Variants in SLC25A21 observed in about 807,000 individuals in gnomAD.
SLC25A21 encodes the protein solute carrier family 25 member 21.
A neutral mutation model predicts 43.8 loss-of-function variants in SLC25A21; 47 were observed. The observed-to-expected ratio is 1.07, with a 90% CI of 0.85 to 1.37. SLC25A21 has a LOEUF of 1.37. Among genes scored for constraint, SLC25A21 ranks in the 40% most tolerant of loss-of-function variants. The pLI is 0.00. For synonymous variants in SLC25A21, 131 were observed against 121.3 expected (o/e 1.08, Z -0.52); for missense variants, 352 against 350.2 (o/e 1.00, Z -0.04).
At chr14:37,147,649 T>A (rs868135038) in intron 1 of SLC25A21, among the ~76,000 whole-genome samples, 12 of 146,876 alleles carry the variant, frequency 8.2e-5, no homozygotes, top group South Asian at 2.2e-4. Flanking sequence ...TTTTTTTTTT[T>A]AAAAAAAAGG....
At chr14:36,746,697 C>G (rs1261825477) in intron 3 of SLC25A21, among the ~76,000 whole-genome samples, 1 of 152,140 alleles carries the variant, frequency 6.6e-6, no homozygotes, top group African/African-American at 2.4e-5. Context: ...ACCAGCTCCC[C>G]TTTTCTTATC....
intron 6 of SLC25A21, among the ~76,000 whole-genome samples, chr14:36,720,123 T>C (rs1594521149): frequency 6.6e-6 from 1 of 152,302 alleles, no homozygotes; most frequent in African/African-American, 2.4e-5. Flanking sequence ...CCACACCTTC[T>C]TCTAGACCAT....
rs547381970 is a variant in SLC25A21 at position 37,172,402 on chromosome 14, G to T, written c.-52C>A. 6.5e-7 allele frequency: 1 copy of T among 1,529,436 alleles called. No individual in the cohort carries two copies. Among genetic ancestry groups the T allele is most frequent in the East Asian group, 2.4e-5 (1 of 41,472 alleles). The allele number at this position is 1,529,436 out of a possible 1,614,324, so 94.7% of individuals were successfully genotyped here. A position where few individuals can be genotyped will look rare whatever the true frequency, so the allele number is the denominator to read the frequency against. On this transcript the variant is annotated 5_prime_UTR_variant, in exon 1 of 10. Coordinates refer to ENST00000331299, the MANE Select transcript of SLC25A21 (RefSeq NM_030631.4). Reference sequence around the variant, plus strand: ...TGGGCTGAGATGCGTCAACGAGCTCGCAGCCTGCACAGCCTACTGATCCAG... The same window carrying T: ...TGGGCTGAGATGCGTCAACGAGCTCTCAGCCTGCACAGCCTACTGATCCAG...
chr14:36,960,115 A>G (rs1476848043), intron 1 of SLC25A21, among the ~76,000 whole-genome samples: 2 of 152,188 alleles, frequency 1.3e-5, no homozygotes, highest in Admixed American at 1.3e-4. Flanking sequence ...TTTAGTTTAG[A>G]AGGAAAAACT....
chr14:36,778,458 C>T (rs1279416217), intron 3 of SLC25A21, among the ~76,000 whole-genome samples: 1 of 152,132 alleles, frequency 6.6e-6, no homozygotes, highest in African/African-American at 2.4e-5. Flanking sequence ...TTAGTTCTTC[C>T]CACTTTCAGC....
In SLC25A21 at chr14:37,172,448, C is replaced by T. The variant is rs777351315; in HGVS notation, c.-98G>A. On this transcript the variant is annotated 5_prime_UTR_variant, in exon 1 of 10. Transcript: ENST00000331299. The stretch of plus-strand genomic sequence containing the variant: ...TCCAGAGAGCCCCGGCTGGGCTGGT[C>T]CTCAAGCGCGTTGGCTCCCTGTGGA... 3.1e-6 allele frequency: 4 copies of T among 1,299,306 alleles called. No homozygotes were observed. In the East Asian group the frequency reaches 1.0e-4, roughly 33 times the overall value. 80.5% of individuals were successfully genotyped at this position (1,299,306 alleles called of 1,614,324 possible).
At chr14:37,100,799 C>A (rs1345731581) in intron 1 of SLC25A21, among the ~76,000 whole-genome samples, 1 of 152,192 alleles carries the variant, frequency 6.6e-6, no homozygotes, top group Non-Finnish European at 1.5e-5. Context: ...ATTTACTTAA[C>A]CTCAGTTTCC....
At chr14:36,819,723 GA>G (rs1451004193) in intron 2 of SLC25A21, among the ~76,000 whole-genome samples, 2 of 152,018 alleles carry the variant, frequency 1.3e-5, no homozygotes, top group Non-Finnish European at 2.9e-5. Context: ...GGAGGCTTTA[GA>G]AATATATTTG....
Position 36,684,926 on chromosome 14 carries a change from C to G in SLC25A21, c.604-1G>C. The G allele has an allele frequency of 6.2e-7, 1 of 1,606,240 alleles. No homozygotes were observed. Among genetic ancestry groups the G allele is most frequent in the Non-Finnish European group, 8.5e-7 (1 of 1,177,612 alleles). On this transcript the variant is annotated splice_acceptor_variant, in intron 7 of 9. Coordinates refer to ENST00000331299, the MANE Select transcript of SLC25A21 (RefSeq NM_030631.4). LOFTEE classifies it high-confidence loss of function. ...TTCTCCAAAACTCCAAGATTGGATC[C>G]TAAAAGAAAAGAAGAATAATATAAC...
chr14:36,979,940 T>TA (rs1161727345), intron 1 of SLC25A21, among the ~76,000 whole-genome samples: 1 of 152,114 alleles, frequency 6.6e-6, no homozygotes, highest in African/African-American at 2.4e-5. Flanking sequence ...ACTGCCCATA[T>TA]AAAATCCTGA....
chr14:37,014,394 G>T (rs1412607896), intron 1 of SLC25A21, among the ~76,000 whole-genome samples: 1 of 152,028 alleles, frequency 6.6e-6, no homozygotes, highest in Non-Finnish European at 1.5e-5. Flanking sequence ...ATCTTTTCCA[G>T]GAGCAGATTC....
chr14:36,953,765 T>G (rs533700891), intron 1 of SLC25A21, among the ~76,000 whole-genome samples: 1 of 152,306 alleles, frequency 6.6e-6, no homozygotes, highest in African/African-American at 2.4e-5. Flanking sequence ...TCGGAAATTA[T>G]CATCACAATA....
At chr14:37,030,480 T>C (rs532626094) in intron 1 of SLC25A21, among the ~76,000 whole-genome samples, 1 of 152,318 alleles carries the variant, frequency 6.6e-6, no homozygotes, top group South Asian at 2.1e-4. Context: ...CACATCTTCA[T>C]GAGTTCCAGC....
chr14:36,979,320 A>G (rs1408802090), intron 1 of SLC25A21, among the ~76,000 whole-genome samples: 17 of 121,120 alleles, frequency 1.4e-4, no homozygotes, highest in African/African-American at 8.1e-4. Flanking sequence ...CAATTAAGGT[A>G]GTGTTTTTTT....
chr14:36,678,335 GCATTTATTTCTAA>G lies in SLC25A21; in HGVS notation c.*2310_*2322del, dbSNP rs1882006639. ...GATATCTTATAGAGAGCTTTGAACT[GCATTTATTTCTAA>G]AGCAACCGAAATTCAGTGCTACAAA... On this transcript the variant is annotated 3_prime_UTR_variant, in exon 10 of 10. Coordinates refer to ENST00000331299, the MANE Select transcript of SLC25A21 (RefSeq NM_030631.4). 6 of 688,690 alleles carry G rather than the reference GCATTTATTTCTAA, an allele frequency of 8.7e-6. No homozygotes were observed. Among genetic ancestry groups the G allele is most frequent in the Non-Finnish European group, 1.5e-5 (6 of 403,404 alleles). 42.7% of individuals were successfully genotyped at this position (688,690 alleles called of 1,614,324 possible).
chr14:37,034,809 C>A (rs756319734), intron 1 of SLC25A21, among the ~76,000 whole-genome samples: 11 of 152,214 alleles, frequency 7.2e-5, no homozygotes, highest in Non-Finnish European at 1.5e-4. Context: ...CAAAGGGGAG[C>A]TGTTGTTGAT....
At chr14:37,026,393 C>T (rs559570126) in intron 1 of SLC25A21, among the ~76,000 whole-genome samples, 1 of 152,216 alleles carries the variant, frequency 6.6e-6, no homozygotes, top group Admixed American at 6.6e-5. Context: ...GTCTTTCTTA[C>T]TGGCAACAAA....
chr14:36,724,647 T>C (rs1396016505), intron 6 of SLC25A21, among the ~76,000 whole-genome samples: 1 of 152,176 alleles, frequency 6.6e-6, no homozygotes, highest in African/African-American at 2.4e-5. Flanking sequence ...AGGGAATTCT[T>C]AGGTAACTGG....
At chr14:37,109,591 G>A (rs1962981266) in intron 1 of SLC25A21, among the ~76,000 whole-genome samples, 3 of 152,128 alleles carry the variant, frequency 2.0e-5, no homozygotes, top group Admixed American at 1.3e-4. Flanking sequence ...GTCACAGAGA[G>A]TGGTTGCGAA....
Sources: gnomAD v4.1 joint callset for allele counts (sites outside exome capture counted in the v4.1 genomes callset) on GRCh38, gnomAD v4.1.1 for gene constraint, MANE v1.5 for transcripts, NCBI Gene and HGNC (gene_info 2026-07-23, HGNC 2026-07-21) for gene names.